ITGA8: variants seen among roughly 807,000 people sequenced by gnomAD.
ITGA8 encodes the protein integrin subunit alpha 8, also known as integrin alpha-8.
Under a neutral mutation model 142.3 loss-of-function variants are expected in ITGA8, and 91 were observed. The observed-to-expected ratio is 0.64, with a 90% confidence interval of 0.54 to 0.76. The LOEUF (loss-of-function observed/expected upper bound fraction) is 0.76, where lower values mean the gene tolerates loss of function less well. Among genes scored for constraint, ITGA8 ranks in the 30% least tolerant of loss-of-function variants. The pLI is 0.00. For synonymous variants in ITGA8, 505 were observed against 485.2 expected, an observed-to-expected ratio of 1.04 and a Z score of -0.54; for missense variants, 1,406 against 1,327.7, an observed-to-expected ratio of 1.06 and a Z score of -0.92.
At chr10:15,632,494 A>C (rs1055278590) in intron 13 of ITGA8, among the ~76,000 whole-genome samples, 2 of 152,218 alleles carry the variant, frequency 1.3e-5, no homozygotes, top group Non-Finnish European at 2.9e-5. Context: ...AGTCATTCTC[A>C]ACCTGGATCT....
intron 24 of ITGA8, among the ~76,000 whole-genome samples, chr10:15,574,714 T>TATATATATA (rs147826228): frequency 4.0e-5 from 6 of 149,394 alleles, no homozygotes; most frequent in Admixed American, 4.0e-4. Flanking sequence ...TATATATATA[T>TATATATATA]TTTTTTTTTA....
At chr10:15,618,688 T>C (rs1833437940) in intron 13 of ITGA8, among the ~76,000 whole-genome samples, 1 of 152,136 alleles carries the variant, frequency 6.6e-6, no homozygotes, top group Non-Finnish European at 1.5e-5. Flanking sequence ...AAAGACTAGA[T>C]TGGTTCAGTC....
intron 2 of ITGA8, among the ~76,000 whole-genome samples, chr10:15,711,409 C>T (rs1835361582): frequency 6.6e-6 from 1 of 152,148 alleles, no homozygotes; most frequent in East Asian, 1.9e-4. Flanking sequence ...GCAACAGCCA[C>T]AAAACCATAT....
chr10:15,550,646 A>G (rs1187138568), intron 26 of ITGA8, among the ~76,000 whole-genome samples: 1 of 152,212 alleles, frequency 6.6e-6, no homozygotes, highest in African/African-American at 2.4e-5. Context: ...GAGAAAGGGA[A>G]GAGCAGGGTA....
At chr10:15,672,939 A>G (rs1834555491) in intron 6 of ITGA8, among the ~76,000 whole-genome samples, 190 bp from the exon 7 acceptor site, 1 of 152,274 alleles carries the variant, frequency 6.6e-6, no homozygotes, top group Admixed American at 6.5e-5. Context: ...CTGACAGAAG[A>G]CCTGAGATGA....
Position 15,592,292 on chromosome 10 carries a change from G to A in ITGA8, c.2224C>T (p.Leu742Phe), listed in dbSNP as rs1374836794. 4.3e-6 allele frequency: 7 copies of A among 1,612,272 alleles called. No individual in the cohort carries two copies. Among genetic ancestry groups the A allele is most frequent in the Non-Finnish European group, 5.1e-6 (6 of 1,178,594 alleles). The change falls in exon 22 of 30, where the codon CTC (leucine) becomes TTC (phenylalanine). Residue 742 changes from leucine to phenylalanine, a missense_variant. Physicochemically the swap from Leu to Phe is conservative, Grantham distance 22. Coordinates refer to ENST00000378076, the MANE Select transcript of ITGA8 (RefSeq NM_003638.3). ...TCAAGACGTGGAACTGCAAATCGGA[G>A]GCCCAGGGAATACTAAAAAATAAAA... The part of the protein sequence containing the change: ...MVSGTNYSLG[L>F]RFAVPRLEKT...
chr10:15,570,950 G>A (rs1834170103), intron 25 of ITGA8, among the ~76,000 whole-genome samples: 1 of 152,104 alleles, frequency 6.6e-6, no homozygotes, highest in Admixed American at 6.6e-5. Flanking sequence ...ATGTAAAAGT[G>A]TTAATTATTT....
rs1342921133 is a variant in ITGA8, at chr10:15,606,408, G to A, written c.1779C>T (p.Phe593=). The A allele has an allele frequency of 1.9e-6, 3 of 1,593,792 alleles. No homozygotes were observed. The highest frequency in any genetic ancestry group is 2.6e-6 in the Non-Finnish European group (3 of 1,163,936). ...TGTTGATTGGAGATAATTTATCTCG[G>A]AATTCAGTTTCATCCTAGGAAAAAT... ...FIVYLRDETE[F]RDKLSPINIS... is the part of the protein sequence containing the mutation. Residue 593 remains phenylalanine (F), a synonymous_variant, in exon 18 of 30, where the codon TTC becomes TTT. Transcript: ENST00000378076.
In ITGA8 at chr10:15,684,005, G is replaced by C. The variant is rs1230810399; in HGVS notation, c.567C>G (p.Asn189Lys). The part of the protein sequence containing the change: ...SAYAEFSPCR[N>K]SNADPEGQGY... ...TTTCAAGGAATAAAAGTTGCTTACTGTTCCGGCAAGGAGAGAACTCGGCAT... is the reference window on the plus strand; with the variant it reads ...TTTCAAGGAATAAAAGTTGCTTACTCTTCCGGCAAGGAGAGAACTCGGCAT... Residue 189 changes from asparagine (N) to lysine (K), a missense_variant and splice_region_variant, in exon 4 of 30, where the codon AAC (asparagine) becomes AAG (lysine). Coordinates refer to ENST00000378076, the MANE Select transcript of ITGA8 (RefSeq NM_003638.3). The C allele has an allele frequency of 6.2e-7, 1 of 1,614,068 alleles. No individual in the cohort carries two copies. The highest frequency in any genetic ancestry group is 8.5e-7 in the Non-Finnish European group (1 of 1,179,982).
chr10:15,541,123 C>T (rs1001613846), intron 27 of ITGA8, among the ~76,000 whole-genome samples: 1 of 152,178 alleles, frequency 6.6e-6, no homozygotes, highest in African/African-American at 2.4e-5. Context: ...GTGTGTGCTG[C>T]CTAGGAGTTA....
In ITGA8 at chr10:15,674,147, A is replaced by C. The variant is rs371813324; in HGVS notation, c.677-1398T>G. On this transcript the variant is annotated intron_variant, in intron 6 of 29. Coordinates refer to ENST00000378076, the MANE Select transcript of ITGA8 (RefSeq NM_003638.3). ...ATATTGCCAAGTGACTGGGACTTGA[A>C]ATGACTATTCTGATATTAAGACCAT... is the stretch of plus-strand genomic sequence containing the variant. Among the ~76,000 whole-genome samples the C allele has an allele frequency of 2.6e-5, 4 of 152,282 alleles. No homozygotes were observed. The East Asian group carries it at 5.8e-4, about 22-fold the overall frequency.
At chr10:15,718,399 T>C (rs938279531) in intron 2 of ITGA8, among the ~76,000 whole-genome samples, 4 of 152,208 alleles carry the variant, frequency 2.6e-5, no homozygotes, top group Non-Finnish European at 5.9e-5. Flanking sequence ...TTTTTCCAGA[T>C]CTGTCCTTGA....
chr10:15,640,990 C>G (rs971352217), intron 13 of ITGA8, among the ~76,000 whole-genome samples: 5 of 152,184 alleles, frequency 3.3e-5, no homozygotes, highest in Admixed American at 3.3e-4. Context: ...TCTTCCCAGT[C>G]GCTGGACAAC....
At chr10:15,630,385 G>T (rs1372172216) in intron 13 of ITGA8, among the ~76,000 whole-genome samples, 1 of 152,006 alleles carries the variant, frequency 6.6e-6, no homozygotes, top group Non-Finnish European at 1.5e-5. Context: ...GTTGCCTTTT[G>T]TGCCAGCCGC....
intron 2 of ITGA8, among the ~76,000 whole-genome samples, chr10:15,713,418 G>A (rs764964635): frequency 1.6e-4 from 25 of 152,074 alleles, no homozygotes; most frequent in Non-Finnish European, 2.6e-4. Flanking sequence ...TTGGGCTTCC[G>A]TCTTCCCCCA....
At chr10:15,674,877 T>G (rs1488903244) in intron 6 of ITGA8, among the ~76,000 whole-genome samples, 1 of 151,782 alleles carries the variant, frequency 6.6e-6, no homozygotes, top group Non-Finnish European at 1.5e-5. Context: ...GAGGCAGAGG[T>G]TGCAGTGAGC....
chr10:15,642,513 G>A (rs1339226060), intron 13 of ITGA8, among the ~76,000 whole-genome samples: 1 of 151,886 alleles, frequency 6.6e-6, no homozygotes, highest in East Asian at 1.9e-4. Context: ...ACATTTTTGG[G>A]GTAGGAATTA....
At position 15,530,557 on chromosome 10, in the gene ITGA8, A is replaced by AAAC. The variant is rs1441821268; in HGVS notation, c.2982+492_2982+493insGTT. On this transcript the variant is annotated intron_variant, in intron 28 of 29. Coordinates refer to ENST00000378076, the MANE Select transcript of ITGA8 (RefSeq NM_003638.3). ...CGAGACTCTCAAAAAAAAAAAAAAAAAAAAAAGACATTTCATTCAGTTGAA... is the reference window on the plus strand; with the variant it reads ...CGAGACTCTCAAAAAAAAAAAAAAAAAACAAAAAAGACATTTCATTCAGTTGAA... 1.4e-4 allele frequency among the ~76,000 whole-genome samples: 21 copies of AAAC among 151,334 alleles called. 1 individual carries two copies. The highest frequency in any genetic ancestry group is 5.1e-4 in the African/African-American group (21 of 41,236).
At chr10:15,613,866 A>G in intron 14 of ITGA8, 99 bp from the exon 15 acceptor site, 1 of 792,852 alleles carries the variant, frequency 1.3e-6, no homozygotes, top group Non-Finnish European at 2.1e-6. Context: ...AGTAGACAGA[A>G]TACTCCACAG....
Sources: allele counts gnomAD v4.1 joint callset (sites outside exome capture counted in the v4.1 genomes callset), GRCh38; gene constraint gnomAD v4.1.1; transcripts MANE v1.5; gene names NCBI Gene and HGNC (gene_info 2026-07-23, HGNC 2026-07-21).